Variants in TUBD1 observed in about 807,000 individuals in gnomAD.
The protein encoded by TUBD1 is tubulin delta 1, also known as tubulin delta chain.
TUBD1 carries 38 observed loss-of-function variants against 51.2 expected under a neutral mutation model. That is an observed-to-expected ratio of 0.74 (90% CI 0.57 to 0.97). TUBD1 has a LOEUF of 0.97. Ranked by LOEUF, TUBD1 falls within the 50% of genes least tolerant of loss-of-function variation. The pLI is 0.00. For synonymous variants in TUBD1, 169 were observed against 178.2 expected (o/e 0.95, Z 0.41); for missense variants, 489 against 538.4 (o/e 0.91, Z 0.91).
chr17:59,868,283 C>CAAAAAAAA (rs11401623), intron 6 of TUBD1, among the ~76,000 whole-genome samples: 1 of 49,130 alleles, frequency 2.0e-5, no homozygotes, highest in African/African-American at 7.4e-5. Flanking sequence ...GACTCCATGT[C>CAAAAAAAA]AAAAAAAAAA....
chr17:59,882,945 C>T (rs1598560926), intron 3 of TUBD1, among the ~76,000 whole-genome samples: 1 of 151,472 alleles, frequency 6.6e-6, no homozygotes, highest in African/African-American at 2.4e-5. Flanking sequence ...CCGCCACGCC[C>T]AGCTAATTTT....
intron 2 of TUBD1, 45 bp from the exon 3 acceptor site, chr17:59,886,275 T>C: frequency 6.4e-7 from 1 of 1,564,380 alleles, no homozygotes; most frequent in Non-Finnish European, 8.6e-7. Context: ...AAAAAAAGAT[T>C]TATTATGTCT....
chr17:59,861,726 G>A (rs2039454785), intron 8 of TUBD1, among the ~76,000 whole-genome samples: 1 of 151,616 alleles, frequency 6.6e-6, no homozygotes, highest in Admixed American at 6.6e-5. Context: ...GGAGTGCAGT[G>A]GCATCATCTT....
At chr17:59,872,116 G>C (rs796100742) in intron 6 of TUBD1, among the ~76,000 whole-genome samples, 2 of 151,972 alleles carry the variant, frequency 1.3e-5, no homozygotes, top group African/African-American at 4.8e-5. Flanking sequence ...ATCACGCCTC[G>C]CTAATTTTTT....
At chr17:59,885,244 A>G in intron 3 of TUBD1, 1 of 525,098 alleles carries the variant, frequency 1.9e-6, no homozygotes, top group South Asian at 1.6e-5. Flanking sequence ...GACTACCCAA[A>G]GCTCCCTGCA....
At chr17:59,891,572 T>C (rs1403610878) in intron 1 of TUBD1, among the ~76,000 whole-genome samples, 1 of 152,202 alleles carries the variant, frequency 6.6e-6, no homozygotes, top group Non-Finnish European at 1.5e-5. Context: ...TGTACCTGAA[T>C]CCATTCATAC....
intron 2 of TUBD1, among the ~76,000 whole-genome samples, chr17:59,890,253 AT>A (rs766841709): frequency 2.0e-5 from 3 of 151,550 alleles, no homozygotes; most frequent in African/African-American, 7.3e-5. Context: ...GGGTCCTTTT[AT>A]TTTTTTTGGA....
chr17:59,862,010 C>A (rs913254655), intron 8 of TUBD1, among the ~76,000 whole-genome samples: 9 of 151,040 alleles, frequency 6.0e-5, no homozygotes, highest in African/African-American at 1.9e-4. Flanking sequence ...TGGCTGGGCC[C>A]TGGGGTATCC....
chr17:59,863,383 G>T lies in TUBD1; in HGVS notation c.1259+281C>A, dbSNP rs144601025. On this transcript the variant is annotated intron_variant, in intron 8 of 8. Transcript: ENST00000325752. ...GCCAGCACTTTGGGAGGCTGAGGTG[G>T]GCAGATCCCGAGGTCAGAAGTTCGA... Among the ~76,000 whole-genome samples the T allele has an allele frequency of 4.3e-3, 658 of 152,236 alleles. 20 individuals are homozygous for T. The highest frequency in any genetic ancestry group is 0.035 in the Admixed American group (539 of 15,268).
In TUBD1 at chr17:59,890,853, G is replaced by C. The variant is rs1025852055; in HGVS notation, c.150C>G (p.Phe50Leu). Residue 50 changes from phenylalanine (F) to leucine (L), a missense_variant, in exon 2 of 9, where the codon TTC becomes TTG. Transcript: ENST00000325752. ...TACCTCCATTCTCCTCCTCACTGAAGAATCTTTCTTTGCAAGATGCTTGAT... is the reference window on the plus strand; with the variant it reads ...TACCTCCATTCTCCTCCTCACTGAACAATCTTTCTTTGCAAGATGCTTGAT... ...EAYQASCKER[F>L]FSEEENGVPI... The C allele has an allele frequency of 6.2e-7, 1 of 1,613,338 alleles. No individual in the cohort carries two copies. The highest frequency in any genetic ancestry group is 8.5e-7 in the Non-Finnish European group (1 of 1,179,656).
intron 6 of TUBD1, among the ~76,000 whole-genome samples, chr17:59,870,322 AAGATGATGCCACTGCATCATCTTAGGCG>A (rs1366091327): frequency 1.4e-5 from 2 of 141,204 alleles, no homozygotes; most frequent in Non-Finnish European, 3.0e-5. Context: ...GCAGTGAGCC[AAGATGATGCCACTGCATCATCTTAGGCG>A]ACAGAGTGTG....
chr17:59,875,477 G>A (rs2040184594), intron 5 of TUBD1, among the ~76,000 whole-genome samples: 4 of 151,886 alleles, frequency 2.6e-5, no homozygotes, highest in African/African-American at 7.3e-5. Context: ...AGCCAGGCAC[G>A]GTGGCTCACG....
chr17:59,872,553 ATATT>A (rs763924175), intron 6 of TUBD1, among the ~76,000 whole-genome samples: 8 of 152,208 alleles, frequency 5.3e-5, no homozygotes, highest in Non-Finnish European at 1.2e-4. Flanking sequence ...ACTCTGAATA[ATATT>A]TAGATAGCAA....
At chr17:59,885,621 T>C (rs1164270825) in intron 3 of TUBD1, 2 of 845,116 alleles carry the variant, frequency 2.4e-6, no homozygotes, top group Non-Finnish European at 3.9e-6. Context: ...TTAACCTTAA[T>C]GAAATCCCTA....
chr17:59,867,457 C>T (rs2039760096), intron 6 of TUBD1, among the ~76,000 whole-genome samples: 1 of 151,996 alleles, frequency 6.6e-6, no homozygotes, highest in South Asian at 2.1e-4. Flanking sequence ...CCTGTAATCC[C>T]AGCAGTTTGG....
At chr17:59,887,345 T>C (rs1034951815) in intron 2 of TUBD1, among the ~76,000 whole-genome samples, 3 of 151,854 alleles carry the variant, frequency 2.0e-5, no homozygotes, top group Non-Finnish European at 4.4e-5. Context: ...GTGCTCCAGC[T>C]TGGGCAAGAG....
At chr17:59,862,686 CCCA>C (rs1300070397) in intron 8 of TUBD1, among the ~76,000 whole-genome samples, 2 of 147,700 alleles carry the variant, frequency 1.4e-5, no homozygotes, top group African/African-American at 5.0e-5. Flanking sequence ...ATTACAGGCA[CCCA>C]CCACTATGCC....
chr17:59,864,483 G>A (rs569437888), intron 7 of TUBD1, among the ~76,000 whole-genome samples: 5 of 151,966 alleles, frequency 3.3e-5, no homozygotes, highest in East Asian at 1.9e-4. Flanking sequence ...TCATTTATTC[G>A]AAAATAATAT....
intron 6 of TUBD1, among the ~76,000 whole-genome samples, chr17:59,870,890 A>G (rs2039954465): frequency 6.6e-6 from 1 of 152,348 alleles, no homozygotes; most frequent in African/African-American, 2.4e-5. Flanking sequence ...TTACCGTTCC[A>G]GGCTCCAAAG....
Sources: allele counts gnomAD v4.1 joint callset (sites outside exome capture counted in the v4.1 genomes callset), GRCh38; gene constraint gnomAD v4.1.1; transcripts MANE v1.5; gene names NCBI Gene and HGNC (gene_info 2026-07-23, HGNC 2026-07-21).